The following TAFA5 variants were observed in gnomAD, a reference collection of about 807,000 sequenced individuals.
The protein encoded by TAFA5 is chemokine-like protein TAFA-5.
A neutral mutation model predicts 15.3 loss-of-function variants in TAFA5; 6 were observed. The observed-to-expected ratio is 0.39, with a 90% CI of 0.21 to 0.77. The LOEUF (loss-of-function observed/expected upper bound fraction) is 0.77. Among genes scored for constraint, TAFA5 ranks in the 30% least tolerant of loss-of-function variants. The probability of loss-of-function intolerance (pLI) is 0.41; values close to 1 mark genes in which losing one functional copy is unlikely to be tolerated. For missense variants in TAFA5, 161 were observed against 193.1 expected, an observed-to-expected ratio of 0.83 and a Z score of 0.98; for synonymous variants, 103 against 80.7, an observed-to-expected ratio of 1.28 and a Z score of -1.48.
At chr22:48,576,646 CT>C (rs1412821479) in intron 1 of TAFA5, 1 of 1,260,536 alleles carries the variant, frequency 7.9e-7, no homozygotes, top group Non-Finnish European at 1.0e-6. Flanking sequence ...CCCGACCCGG[CT>C]TCCAGCACGT....
At chr22:48,502,149 T>C (rs975713056) in intron 1 of TAFA5, among the ~76,000 whole-genome samples, 2 of 152,218 alleles carry the variant, frequency 1.3e-5, no homozygotes, top group African/African-American at 2.4e-5. Flanking sequence ...TCTCAGAATT[T>C]ACTTATTTCT....
chr22:48,726,672 A>C (rs1290053432), intron 3 of TAFA5, among the ~76,000 whole-genome samples: 1 of 151,288 alleles, frequency 6.6e-6, no homozygotes, highest in Non-Finnish European at 1.5e-5. Context: ...ACTACTTTAC[A>C]TACAGAAACA....
chr22:48,529,802 C>G (rs1201940464), intron 1 of TAFA5, among the ~76,000 whole-genome samples: 1 of 151,958 alleles, frequency 6.6e-6, no homozygotes, highest in African/African-American at 2.4e-5. Context: ...TGGTCAGGCC[C>G]CTTCAGACCT....
rs138234411 is a variant in TAFA5 at position 48,588,443 on chromosome 22, G to C, written c.113-58154G>C. ...CCTGAAAGGCTCTGCTGAGGCATTG[G>C]GGGAAGGAAGGCATTGCTCGCAGTG... On this transcript the variant is annotated intron_variant, in intron 1 of 3. Transcript: ENST00000402357. Among the ~76,000 whole-genome samples, 239 of 152,314 alleles carry C rather than the reference G, an allele frequency of 1.6e-3. 1 individual carries two copies. The highest frequency in any genetic ancestry group is 5.6e-3 in the African/African-American group (233 of 41,572).
chr22:48,741,893 T>A (rs1315228955), intron 3 of TAFA5, among the ~76,000 whole-genome samples: 1 of 152,222 alleles, frequency 6.6e-6, no homozygotes, highest in East Asian at 1.9e-4. Flanking sequence ...ATGAGGAAGG[T>A]CGCTGTGGCT....
intron 1 of TAFA5, among the ~76,000 whole-genome samples, chr22:48,615,783 G>A (rs1284284717): frequency 1.3e-5 from 2 of 152,148 alleles, no homozygotes; most frequent in Non-Finnish European, 2.9e-5. Context: ...CCAGGTCATT[G>A]CGGGGGACCA....
intron 2 of TAFA5, among the ~76,000 whole-genome samples, chr22:48,672,275 A>C (rs974522079): frequency 6.6e-6 from 1 of 152,250 alleles, no homozygotes; most frequent in Admixed American, 6.5e-5. Flanking sequence ...TCTGCGTGCA[A>C]TACAACAGTC....
At chr22:48,494,805 G>C (rs1928270217) in intron 1 of TAFA5, among the ~76,000 whole-genome samples, 1 of 152,232 alleles carries the variant, frequency 6.6e-6, no homozygotes, top group African/African-American at 2.4e-5. Context: ...CCAGAAGCGG[G>C]CCTGGCAGCT....
At chr22:48,717,598 C>T (rs1034505226) in intron 3 of TAFA5, among the ~76,000 whole-genome samples, 1 of 152,242 alleles carries the variant, frequency 6.6e-6, no homozygotes, top group Non-Finnish European at 1.5e-5. Context: ...CGTTGGAGAG[C>T]TGTGGCCGAG....
chr22:48,590,023 T>G (rs1224072297), intron 1 of TAFA5, among the ~76,000 whole-genome samples: 1 of 146,898 alleles, frequency 6.8e-6, no homozygotes, highest in Non-Finnish European at 1.5e-5. Flanking sequence ...CACGCGCACA[T>G]GCACGCGTGC....
intron 1 of TAFA5, among the ~76,000 whole-genome samples, chr22:48,506,709 C>T (rs915984997): frequency 2.0e-5 from 3 of 152,200 alleles, no homozygotes; most frequent in Non-Finnish European, 2.9e-5. Context: ...CGCCACTGCG[C>T]TCAGGGCACA....
At chr22:48,715,138 C>G (rs571177962) in intron 3 of TAFA5, among the ~76,000 whole-genome samples, 2 of 152,298 alleles carry the variant, frequency 1.3e-5, no homozygotes, top group South Asian at 4.1e-4. Context: ...ACTTTGGGGG[C>G]CCCCCATTCC....
Position 48,575,362 on chromosome 22 carries a change from C to G in TAFA5, c.113-71235C>G, listed in dbSNP as rs184546331. 4.2e-3 allele frequency among the ~76,000 whole-genome samples: 636 copies of G among 149,884 alleles called. 34 individuals are homozygous for G. The East Asian group carries it at 0.11, about 25-fold the overall frequency. Reference sequence around the variant, plus strand: ...GGTCCCTCGCGGCCCAGTGCGCATCCGCGGCTCCGCGGCCGGGAGGAGCGC... The same window carrying G: ...GGTCCCTCGCGGCCCAGTGCGCATCGGCGGCTCCGCGGCCGGGAGGAGCGC... On this transcript the variant is annotated intron_variant, in intron 1 of 3. Transcript: ENST00000402357.
At chr22:48,722,857 A>C (rs560338455) in intron 3 of TAFA5, among the ~76,000 whole-genome samples, 16 of 152,278 alleles carry the variant, frequency 1.1e-4, no homozygotes, top group African/African-American at 3.9e-4. Context: ...GGTCCATCCT[A>C]ACAGTGAGCA....
chr22:48,494,697 G>A (rs1210772271), intron 1 of TAFA5, among the ~76,000 whole-genome samples: 2 of 152,210 alleles, frequency 1.3e-5, no homozygotes, highest in African/African-American at 4.8e-5. Flanking sequence ...CCCAGGAACA[G>A]CAGCTCCAGC....
chr22:48,673,973 C>T (rs1292648806), intron 2 of TAFA5, among the ~76,000 whole-genome samples: 1 of 152,038 alleles, frequency 6.6e-6, no homozygotes, highest in Non-Finnish European at 1.5e-5. Flanking sequence ...CGTTCTGCCC[C>T]AGCCCTTTGC....
chr22:48,580,590 T>G (rs1449065861), intron 1 of TAFA5, among the ~76,000 whole-genome samples: 1 of 152,122 alleles, frequency 6.6e-6, no homozygotes, highest in African/African-American at 2.4e-5. Context: ...CTGTTCTTGG[T>G]GAGGGCTCGA....
chr22:48,681,149 A>G (rs1231520746), intron 2 of TAFA5, among the ~76,000 whole-genome samples: 1 of 152,226 alleles, frequency 6.6e-6, no homozygotes, highest in African/African-American at 2.4e-5. Context: ...AGCCACGCTT[A>G]TCCCTGAGCA....
chr22:48,640,007 A>T (rs1294345586), intron 1 of TAFA5, among the ~76,000 whole-genome samples: 2 of 152,296 alleles, frequency 1.3e-5, no homozygotes, highest in African/African-American at 4.8e-5. Flanking sequence ...AGTTTGTAGG[A>T]ACCCAGGTGA....
Sources: allele counts gnomAD v4.1 joint callset (sites outside exome capture counted in the v4.1 genomes callset), GRCh38; gene constraint gnomAD v4.1.1; transcripts MANE v1.5; gene names NCBI Gene and HGNC (gene_info 2026-07-23, HGNC 2026-07-21).